Variants in ANGPTL1 observed in about 807,000 individuals in gnomAD.
ANGPTL1 encodes angiopoietin-related protein 1.
A neutral mutation model predicts 46.7 loss-of-function variants in ANGPTL1; 36 were observed. The observed-to-expected ratio is 0.77, with a 90% CI of 0.59 to 1.02. ANGPTL1 has a LOEUF of 1.02. Ranked by LOEUF, ANGPTL1 falls within the 50% of genes least tolerant of loss-of-function variation. The probability of loss-of-function intolerance (pLI) is 0.00; values close to 1 mark genes in which losing one functional copy is unlikely to be tolerated. For missense variants in ANGPTL1, 571 were observed against 594.7 expected, an observed-to-expected ratio of 0.96 and a Z score of 0.41; for synonymous variants, 221 against 204.3, an observed-to-expected ratio of 1.08 and a Z score of -0.69.
chr1:178,865,605 G>A lies in ANGPTL1; in HGVS notation c.172C>T (p.Gln58Ter). 1 of 1,613,962 alleles carries A rather than the reference G, an allele frequency of 6.2e-7. No individual in the cohort carries two copies. The highest frequency in any genetic ancestry group is 1.1e-5 in the South Asian group (1 of 91,074). ...ACACAGATTGGCCCTGTTATTCTTTGTTCAGGTACCAGGAATGTGTATGCA... is the reference window on the plus strand; with the variant it reads ...ACACAGATTGGCCCTGTTATTCTTTATTCAGGTACCAGGAATGTGTATGCA... ...KCAYTFLVPE[Q>*]RITGPICVNT... Residue 58 changes from glutamine (Q) to a stop codon, truncating the protein, a stop_gained, in exon 3 of 6, where the codon CAA becomes TAA. Coordinates refer to ENST00000234816, the MANE Select transcript of ANGPTL1 (RefSeq NM_004673.4). LOFTEE classifies it high-confidence loss of function.
intron 3 of ANGPTL1, among the ~76,000 whole-genome samples, chr1:178,864,064 G>T (rs1290186741): frequency 6.6e-6 from 1 of 152,008 alleles, no homozygotes; most frequent in African/African-American, 2.4e-5. Flanking sequence ...AGGATTCTGG[G>T]GAATGAGTTG....
In ANGPTL1 at chr1:178,865,377, A is replaced by G. The variant is rs1326279907; in HGVS notation, c.400T>C (p.Tyr134His). Residue 134 changes from tyrosine (Y) to histidine (H), a missense_variant, in exon 3 of 6, where the codon TAT becomes CAT. Tyr to His is a moderately conservative substitution (Grantham distance 83). Coordinates refer to ENST00000234816, the MANE Select transcript of ANGPTL1 (RefSeq NM_004673.4). ...ATAATCTCATGTAATAATTGCATAT[A>G]GAGTTGAGTAACACGAGAGTTCATG... The part of the protein sequence containing the change: ...RNMNSRVTQL[Y>H]MQLLHEIIRK... 4 of 1,613,978 alleles carry G rather than the reference A, an allele frequency of 2.5e-6. No homozygotes were observed. In the Admixed American group the frequency reaches 6.7e-5, roughly 27 times the overall value.
Position 178,850,010 on chromosome 1 carries a change from G to A in ANGPTL1, c.*1119C>T, listed in dbSNP as rs1299336725. 6.6e-6 allele frequency: 1 copy of A among 152,656 alleles called. No homozygotes were observed. The highest frequency in any genetic ancestry group is 1.5e-5 in the Non-Finnish European group (1 of 68,048). The allele number at this position is 152,656 out of a possible 1,614,324, so 9.5% of individuals were successfully genotyped here. A position where few individuals can be genotyped will look rare whatever the true frequency, so the allele number is the denominator to read the frequency against. ...CCAGAAAGTCACTAGTAAAGTTGTT[G>A]ATTGCAAAGATGAGTTAAAGACACT... On this transcript the variant is annotated 3_prime_UTR_variant, in exon 6 of 6. Coordinates refer to ENST00000234816, the MANE Select transcript of ANGPTL1 (RefSeq NM_004673.4).
At chr1:178,858,447 A>G (rs1657736538) in intron 3 of ANGPTL1, among the ~76,000 whole-genome samples, 1 of 152,164 alleles carries the variant, frequency 6.6e-6, no homozygotes, top group Non-Finnish European at 1.5e-5. Flanking sequence ...ATTTTCAGAA[A>G]TAAATTGATT....
At chr1:178,867,259 GATT>G (rs2102341867) in intron 2 of ANGPTL1, among the ~76,000 whole-genome samples, 1 of 152,194 alleles carries the variant, frequency 6.6e-6, no homozygotes, top group African/African-American at 2.4e-5. Flanking sequence ...CTATGAAGTA[GATT>G]ATTATGATCC....
At chr1:178,856,194 GAGAGAGAGATATATATATAT>G (rs1196242657) in intron 3 of ANGPTL1, among the ~76,000 whole-genome samples, 8 of 99,198 alleles carry the variant, frequency 8.1e-5, no homozygotes, top group East Asian at 6.9e-4. Flanking sequence ...CTTTTCCAGA[GAGAGAGAGATATATATATAT>G]ATATATATAT....
chr1:178,853,658 C>T lies in ANGPTL1; in HGVS notation c.953G>A (p.Trp318Ter). 1.9e-6 allele frequency: 3 copies of T among 1,612,296 alleles called. No individual in the cohort carries two copies. The highest frequency in any genetic ancestry group is 2.5e-6 in the Non-Finnish European group (3 of 1,179,204). Reference sequence around the variant, plus strand: ...GTCTGTTCTTTTCTGAATAACAGTCCAACCCCCAGGGTCCAAACTGTTTTC... The same window carrying T: ...GTCTGTTCTTTTCTGAATAACAGTCTAACCCCCAGGGTCCAAACTGTTTTC... Reference protein sequence around the residue: ...WCENSLDPGGWTVIQKRTDGS... With the variant: ...WCENSLDPGG Residue 318 changes from tryptophan (W) to a stop codon, truncating the protein, a stop_gained, in exon 4 of 6, where the codon TGG (tryptophan) becomes TAG (stop). Transcript: ENST00000234816. LOFTEE classifies it high-confidence loss of function.
At chr1:178,859,110 T>C (rs1657784291) in intron 3 of ANGPTL1, among the ~76,000 whole-genome samples, 1 of 151,006 alleles carries the variant, frequency 6.6e-6, no homozygotes, top group Non-Finnish European at 1.5e-5. Flanking sequence ...TTTATTAATC[T>C]GTATGTTTAA....
chr1:178,869,244 AAGTC>A, intron 1 of ANGPTL1, 21 bp from the exon 2 acceptor site: 1 of 152,098 alleles, frequency 6.6e-6, no homozygotes, highest in African/African-American at 2.4e-5. Context: ...GAAGAAACGA[AAGTC>A]AGGATTTGCC....
Position 178,865,438 on chromosome 1 carries a change from C to G in ANGPTL1, c.339G>C (p.Val113=). 6.2e-7 allele frequency: 1 copy of G among 1,613,996 alleles called. No individual in the cohort carries two copies. The highest frequency in any genetic ancestry group is 1.3e-5 in the African/African-American group (1 of 75,034). The change falls in exon 3 of 6, where the codon GTG becomes GTC. Residue 113 remains valine, a synonymous_variant. Transcript: ENST00000234816. Reference sequence around the variant, plus strand: ...CCTTTCTCAGCAGCTTTACCTCATTCACAATGTTTCCATCTACATCCACCA... The same window carrying G: ...CCTTTCTCAGCAGCTTTACCTCATTGACAATGTTTCCATCTACATCCACCA... ...QLVVDVDGNI[V]NEVKLLRKES... is the part of the protein sequence containing the mutation.
Position 178,853,484 on chromosome 1 carries a change from G to C in ANGPTL1, c.1017+110C>G, listed in dbSNP as rs1286407812. The C allele has an allele frequency of 9.5e-6, 9 of 951,652 alleles. No homozygotes were observed. In the African/African-American group the frequency reaches 1.4e-4, roughly 15 times the overall value. The allele number at this position is 951,652 out of a possible 1,614,324, so 59.0% of individuals were successfully genotyped here. A position where few individuals can be genotyped will look rare whatever the true frequency, so the allele number is the denominator to read the frequency against. On this transcript the variant is annotated intron_variant, in intron 4 of 5. Coordinates refer to ENST00000234816, the MANE Select transcript of ANGPTL1 (RefSeq NM_004673.4). ...AGATGTAGATAATGAAAAAACATAT[G>C]GATAGTTATTTTTAACTGTGTGTCT...
chr1:178,856,956 T>C (rs991537917), intron 3 of ANGPTL1, among the ~76,000 whole-genome samples: 40 of 152,280 alleles, frequency 2.6e-4, no homozygotes, highest in Middle Eastern at 3.4e-3. Context: ...AAAAATCCCA[T>C]GTAAACCAGT....
intron 3 of ANGPTL1, among the ~76,000 whole-genome samples, chr1:178,864,601 CAGCGACGACCTAGCT>C (rs1439542435): frequency 3.3e-5 from 5 of 152,102 alleles, no homozygotes; most frequent in Non-Finnish European, 7.4e-5. Flanking sequence ...TGTCGGGTAG[CAGCGACGACCTAGCT>C]AGAAGCTGAT....
rs1242521815 is a variant in ANGPTL1, at chr1:178,859,823, C to A, written c.823+5131G>T. 2.1e-4 allele frequency among the ~76,000 whole-genome samples: 13 copies of A among 62,264 alleles called. No homozygotes were observed. The East Asian group carries it at 4.5e-3, about 21-fold the overall frequency. 40.8% of individuals were successfully genotyped at this position (62,264 alleles called of 152,430 possible). ...TGCCATTCTCCTGCCTCTGCCCGCC[C>A]CCCCCCCCCCAACCGCCCAAGTAGC... is the stretch of plus-strand genomic sequence containing the variant. On this transcript the variant is annotated intron_variant, in intron 3 of 5. Coordinates refer to ENST00000234816, the MANE Select transcript of ANGPTL1 (RefSeq NM_004673.4).
In ANGPTL1 at chr1:178,856,394, A is replaced by ATTTTTTT. The variant is rs71108081; in HGVS notation, c.824-2614_824-2608dup. 1.5e-3 allele frequency among the ~76,000 whole-genome samples: 53 copies of ATTTTTTT among 36,430 alleles called. 7 individuals carry two copies. Among genetic ancestry groups the ATTTTTTT allele is most frequent in the African/African-American group, 3.1e-3 (21 of 6,866 alleles). The allele number at this position is 36,430 out of a possible 152,430, so 23.9% of individuals were successfully genotyped here. A position where few individuals can be genotyped will look rare whatever the true frequency, so the allele number is the denominator to read the frequency against. ...AGGCAAGTGCCACCCTGCCTGGCTA[A>ATTTTTTT]TTTTTTTTTTTTTTTTTTTTTTTTT... is the stretch of plus-strand genomic sequence containing the variant. On this transcript the variant is annotated intron_variant, in intron 3 of 5. Coordinates refer to ENST00000234816, the MANE Select transcript of ANGPTL1 (RefSeq NM_004673.4).
Position 178,864,993 on chromosome 1 carries a change from T to C in ANGPTL1, c.784A>G (p.Ser262Gly). The change falls in exon 3 of 6, where the codon AGC becomes GGC. Residue 262 changes from serine to glycine, a missense_variant. Physicochemically the swap from Ser to Gly is moderately conservative, Grantham distance 56. Coordinates refer to ENST00000234816, the MANE Select transcript of ANGPTL1 (RefSeq NM_004673.4). The stretch of plus-strand genomic sequence containing the variant: ...GTTACCGGTGGTATCTTGAAAGGGC[T>C]TTTGGTGGGAGAAGTTGCCAGATCA... ...PPDLATSPTK[S>G]PFKIPPVTFI... The C allele has an allele frequency of 1.4e-6, 2 of 1,471,278 alleles. No individual in the cohort carries two copies. Among genetic ancestry groups the C allele is most frequent in the Non-Finnish European group, 1.8e-6 (2 of 1,111,330 alleles). 91.1% of individuals were successfully genotyped at this position (1,471,278 alleles called of 1,614,324 possible). A position where few individuals can be genotyped will look rare whatever the true frequency, so the allele number is the denominator to read the frequency against.
intron 3 of ANGPTL1, 29 bp from the exon 4 acceptor site, chr1:178,853,816 C>T: frequency 6.6e-7 from 1 of 1,506,668 alleles, no homozygotes; most frequent in South Asian, 1.4e-5. Flanking sequence ...TTATTATCAG[C>T]AAACTTAATA....
chr1:178,850,915 A>T lies in ANGPTL1; in HGVS notation c.*214T>A, dbSNP rs115329078. 599 of 395,560 alleles carry T rather than the reference A, an allele frequency of 1.5e-3. 5 individuals are homozygous for T. The highest frequency in any genetic ancestry group is 0.013 in the Middle Eastern group (21 of 1,568). The allele number at this position is 395,560 out of a possible 1,614,324, so 24.5% of individuals were successfully genotyped here. A position where few individuals can be genotyped will look rare whatever the true frequency, so the allele number is the denominator to read the frequency against. On this transcript the variant is annotated 3_prime_UTR_variant, in exon 6 of 6. Coordinates refer to ENST00000234816, the MANE Select transcript of ANGPTL1 (RefSeq NM_004673.4). ...TGTATTTAGTCAACATAATTTTTAA[A>T]ATAACTAGGTTGTGGATACACATAA...
chr1:178,851,262 G>C lies in ANGPTL1; in HGVS notation c.1343C>G (p.Ser448Cys), dbSNP rs1657154855. 1 of 1,613,720 alleles carries C rather than the reference G, an allele frequency of 6.2e-7. No homozygotes were observed. The highest frequency in any genetic ancestry group is 8.5e-7 in the Non-Finnish European group (1 of 1,179,860). The change falls in exon 6 of 6, where the codon TCT becomes TGT. Residue 448 changes from serine to cysteine, a missense_variant. Transcript: ENST00000234816. ...GGWWYNACAH[S>C]NLNGVWYRGG... ...TCTGTACCATACTCCATTTAGGTTA[G>C]AATGTGCACAGGCATTGTACCACCA...
Sources: allele counts gnomAD v4.1 joint callset (sites outside exome capture counted in the v4.1 genomes callset), GRCh38; gene constraint gnomAD v4.1.1; transcripts MANE v1.5; gene names NCBI Gene and HGNC (gene_info 2026-07-23, HGNC 2026-07-21).